The following PCDH11X variants were observed in gnomAD, a reference collection of about 807,000 sequenced individuals.
PCDH11X encodes protocadherin-11 X-linked.
A neutral mutation model predicts 53.3 loss-of-function variants in PCDH11X; 18 were observed. The observed-to-expected ratio is 0.34, with a 90% CI of 0.23 to 0.50. The LOEUF (loss-of-function observed/expected upper bound fraction) is 0.50, where lower values mean the gene tolerates loss of function less well. Among genes scored for constraint, PCDH11X ranks in the 20% least tolerant of loss-of-function variants. The pLI is 0.98. For synonymous variants in PCDH11X, 279 were observed against 393.3 expected, an observed-to-expected ratio of 0.71 and a Z score of 3.44; for missense variants, 570 against 1,032.4, an observed-to-expected ratio of 0.55 and a Z score of 6.14.
chrX:92,379,811 C>T (rs2070832551), intron 8 of PCDH11X, among the ~76,000 whole-genome samples: 1 of 109,885 alleles, frequency 9.1e-6, no homozygotes, highest in Admixed American at 9.6e-5. Context: ...TTAGGAGCTA[C>T]CCACTCCGTG....
intron 4 of PCDH11X, among the ~76,000 whole-genome samples, chrX:91,831,616 G>T (rs777958199): frequency 1.0e-5 from 1 of 96,677 alleles, no homozygotes; most frequent in East Asian, 3.3e-4. Context: ...AAATTTTAAA[G>T]ATAATAAATT....
At chrX:92,256,090 C>A (rs779612576) in intron 7 of PCDH11X, among the ~76,000 whole-genome samples, 1 of 112,231 alleles carries the variant, frequency 8.9e-6, no homozygotes. Context: ...AGCGAGACTC[C>A]GTGGGGTAGG....
At chrX:91,844,086 T>C (rs1937575602) in intron 5 of PCDH11X, among the ~76,000 whole-genome samples, 1 of 111,695 alleles carries the variant, frequency 9.0e-6, no homozygotes, top group Non-Finnish European at 1.9e-5. Context: ...CTGTAAACAA[T>C]AGTTATGGGT....
chrX:92,434,348 C>T (rs1296519392), intron 9 of PCDH11X, among the ~76,000 whole-genome samples: 1 of 108,959 alleles, frequency 9.2e-6, no homozygotes, highest in African/African-American at 3.4e-5. Flanking sequence ...TTACATGATA[C>T]TACTTTTTTC....
At chrX:92,059,444 C>T (rs1248452906) in intron 6 of PCDH11X, among the ~76,000 whole-genome samples, 1 of 110,528 alleles carries the variant, frequency 9.0e-6, no homozygotes, top group African/African-American at 3.3e-5. Context: ...TTTCAGTATA[C>T]CATATTGCTT....
Position 92,304,316 on chromosome X carries a change from A to C in PCDH11X, c.3144+41173A>C, listed in dbSNP as rs181976795. Among the ~76,000 whole-genome samples, 404 of 111,523 alleles carry C rather than the reference A, an allele frequency of 3.6e-3. 4 individuals are homozygous for C. Among genetic ancestry groups the C allele is most frequent in the Admixed American group, 0.02 (205 of 10,439 alleles). On this transcript the variant is annotated intron_variant, in intron 8 of 10. Transcript: ENST00000682573. ...AAAATGGTTATCTTGCCATCGTTGA[A>C]GACTTTCAAATCTACAGTCTGAAGC...
rs2905860 is a variant in PCDH11X at position 91,983,541 on chromosome X, C to T, written c.3033+104268C>T. The T allele has an allele frequency of 1.2e-4, 57 of 483,399 alleles. No individual in the cohort carries two copies. The East Asian group carries it at 1.3e-3, about 11-fold the overall frequency. The allele number at this position is 483,399 out of a possible 1,213,427, so 39.8% of individuals were successfully genotyped here. A position where few individuals can be genotyped will look rare whatever the true frequency, so the allele number is the denominator to read the frequency against. On this transcript the variant is annotated intron_variant, in intron 6 of 10. Coordinates refer to ENST00000682573, the MANE Select transcript of PCDH11X (RefSeq NM_032968.5). The stretch of plus-strand genomic sequence containing the variant: ...GAGGTGGTGGCAGTGGGCTAGGAGG[C>T]GGCTATGGCCGGGGCTGCCGTGCGG...
intron 6 of PCDH11X, among the ~76,000 whole-genome samples, chrX:92,179,236 T>C (rs2065956003): frequency 8.9e-6 from 1 of 112,628 alleles, no homozygotes; most frequent in Non-Finnish European, 1.9e-5. Flanking sequence ...TCCATTTGAC[T>C]TTGTTAAAGC....
At position 91,886,833 on chromosome X, in the gene PCDH11X, T is replaced by C. The variant is rs1167514785; in HGVS notation, c.3033+7560T>C. Among the ~76,000 whole-genome samples, 19 of 107,468 alleles carry C rather than the reference T, an allele frequency of 1.8e-4. No homozygotes were observed. The South Asian group carries it at 3.3e-3, about 19-fold the overall frequency. 93.3% of individuals were successfully genotyped at this position (107,468 alleles called of 115,157 possible). On this transcript the variant is annotated intron_variant, in intron 6 of 10. Coordinates refer to ENST00000682573, the MANE Select transcript of PCDH11X (RefSeq NM_032968.5). ...AAAAATACAAAAAATTAGCTGGGCGTGGTGGCGGGCGCCTGTAGTCCCAGC... is the reference window on the plus strand; with the variant it reads ...AAAAATACAAAAAATTAGCTGGGCGCGGTGGCGGGCGCCTGTAGTCCCAGC...
At chrX:92,424,863 T>C (rs1365103755) in intron 9 of PCDH11X, among the ~76,000 whole-genome samples, 1 of 97,476 alleles carries the variant, frequency 1.0e-5, no homozygotes, top group Non-Finnish European at 2.3e-5. Context: ...ATATATGGGC[T>C]ATACTGGGCT....
intron 6 of PCDH11X, among the ~76,000 whole-genome samples, chrX:91,888,028 C>A (rs1940311975): frequency 8.9e-6 from 1 of 111,889 alleles, no homozygotes; most frequent in Non-Finnish European, 1.9e-5. Context: ...ATTTTCAGAA[C>A]TCTTTTAATT....
chrX:92,568,315 G>A (rs1431537461), intron 10 of PCDH11X, among the ~76,000 whole-genome samples: 2 of 109,399 alleles, frequency 1.8e-5, no homozygotes, highest in East Asian at 2.9e-4. Flanking sequence ...CCAGCTACTC[G>A]GGAGGCTGAG....
At chrX:91,985,577 C>T in intron 6 of PCDH11X, among the ~76,000 whole-genome samples, 1 of 112,421 alleles carries the variant, frequency 8.9e-6, no homozygotes. Flanking sequence ...AAACCATACT[C>T]AAACCCTATT....
chrX:92,129,591 A>G (rs2064935066), intron 6 of PCDH11X, among the ~76,000 whole-genome samples: 1 of 112,251 alleles, frequency 8.9e-6, no homozygotes, highest in South Asian at 3.7e-4. Flanking sequence ...TTTTTAAACT[A>G]GGCTTGAGGA....
chrX:92,573,044 A>C (rs1309980705), intron 10 of PCDH11X, among the ~76,000 whole-genome samples: 1 of 111,205 alleles, frequency 9.0e-6, no homozygotes, highest in African/African-American at 3.3e-5. Context: ...CTGAATATGA[A>C]TTGAATGCTT....
chrX:92,403,329 G>GTTTTT (rs1178198433), intron 9 of PCDH11X, among the ~76,000 whole-genome samples: 920 of 58,662 alleles, frequency 0.016, 104 homozygotes, highest in East Asian at 0.071. Context: ...GGGCATTTAC[G>GTTTTT]TTTTTTTTTG....
chrX:92,009,752 C>A (rs2062659786), intron 6 of PCDH11X, among the ~76,000 whole-genome samples: 1 of 93,883 alleles, frequency 1.1e-5, no homozygotes, highest in African/African-American at 4.0e-5. Flanking sequence ...TCCCAGGCTG[C>A]AGTGCAGTGG....
intron 6 of PCDH11X, among the ~76,000 whole-genome samples, chrX:91,971,975 A>G (rs1291536034): frequency 3.6e-5 from 4 of 111,775 alleles, no homozygotes; most frequent in Non-Finnish European, 7.5e-5. Context: ...GATACAAAAA[A>G]TAAGTTCAAG....
At chrX:92,474,232 T>C (rs1180962700) in intron 10 of PCDH11X, among the ~76,000 whole-genome samples, 1 of 111,303 alleles carries the variant, frequency 9.0e-6, no homozygotes, top group East Asian at 2.8e-4. Context: ...AGTTTTTATA[T>C]TGAAATATAA....
Sources: allele counts gnomAD v4.1 joint callset (sites outside exome capture counted in the v4.1 genomes callset), GRCh38; gene constraint gnomAD v4.1.1; transcripts MANE v1.5; gene names NCBI Gene and HGNC (gene_info 2026-07-23, HGNC 2026-07-21).